The following MAPK8IP1 variants were observed in gnomAD, a reference collection of about 807,000 sequenced individuals.
MAPK8IP1 encodes mitogen-activated protein kinase 8 interacting protein 1.
In MAPK8IP1, 17 loss-of-function variants were observed where a neutral mutation model predicts 72.6. That is an observed-to-expected ratio of 0.23 (90% CI 0.16 to 0.35). The LOEUF (loss-of-function observed/expected upper bound fraction) is 0.35, where lower values mean the gene tolerates loss of function less well. Ranked by LOEUF, MAPK8IP1 falls within the 10% of genes least tolerant of loss-of-function variation. The probability of loss-of-function intolerance (pLI) is 1.00; values close to 1 mark genes in which losing one functional copy is unlikely to be tolerated. For missense variants in MAPK8IP1, 789 were observed against 1,009.7 expected (o/e 0.78, Z 2.96); for synonymous variants, 401 against 443.4 (o/e 0.90, Z 1.20).
rs1233286794 is a variant in MAPK8IP1 at position 45,900,425 on chromosome 11, C to G, written c.495C>G (p.Asn165Lys). 3 of 1,532,234 alleles carry G rather than the reference C, an allele frequency of 2.0e-6. No individual in the cohort carries two copies. The highest frequency in any genetic ancestry group is 2.6e-6 in the Non-Finnish European group (3 of 1,145,470). 94.9% of individuals were successfully genotyped at this position (1,532,234 alleles called of 1,614,324 possible). A position where few individuals can be genotyped will look rare whatever the true frequency, so the allele number is the denominator to read the frequency against. Residue 165 changes from asparagine (N) to lysine (K), a missense_variant, in exon 3 of 12, where the codon AAC (asparagine) becomes AAG (lysine). Physicochemically the swap from Asn to Lys is moderately conservative, Grantham distance 94. Transcript: ENST00000241014. This position sits in a 1 kb window ranked among gnomAD's most constrained non-coding sequence, Gnocchi z 6.5. ...GGCCCAAGCGGCCCACCACGCTCAA[C>G]CTCTTTCCGCAGGTGCCGCGGTCTC... ...TYRPKRPTTL[N>K]LFPQVPRSQD...
chr11:45,896,193 A>C (rs749743959), intron 1 of MAPK8IP1, among the ~76,000 whole-genome samples: 2 of 152,206 alleles, frequency 1.3e-5, no homozygotes, highest in East Asian at 3.9e-4. Context: ...TCCTGCTTCC[A>C]TAGGCCCTGC....
intron 1 of MAPK8IP1, chr11:45,896,444 G>C: frequency 1.2e-6 from 1 of 840,112 alleles, no homozygotes; most frequent in Non-Finnish European, 1.4e-6. Flanking sequence ...CTTTTGGGGG[G>C]AAACATCCTA....
chr11:45,902,321 A>C lies in MAPK8IP1; in HGVS notation c.605-51A>C. Reference sequence around the variant, plus strand: ...CAAGCTGAGAGTGGCAGGTGCAGGTAGCTGGGAGTTGGGAGAGAGCCCCTG... The same window carrying C: ...CAAGCTGAGAGTGGCAGGTGCAGGTCGCTGGGAGTTGGGAGAGAGCCCCTG... On this transcript the variant is annotated intron_variant, in intron 4 of 11. Coordinates refer to ENST00000241014, the MANE Select transcript of MAPK8IP1 (RefSeq NM_005456.4). The surrounding 1 kb of genome is among the most constrained non-coding windows in gnomAD (Gnocchi z 9.3). 1 of 1,417,680 alleles carries C rather than the reference A, an allele frequency of 7.1e-7. No homozygotes were observed. Among genetic ancestry groups the C allele is most frequent in the Non-Finnish European group, 9.7e-7 (1 of 1,027,992 alleles). The allele number at this position is 1,417,680 out of a possible 1,614,324, so 87.8% of individuals were successfully genotyped here. A position where few individuals can be genotyped will look rare whatever the true frequency, so the allele number is the denominator to read the frequency against.
intron 3 of MAPK8IP1, 79 bp from the exon 4 acceptor site, chr11:45,901,901 G>A: frequency 9.2e-7 from 1 of 1,082,356 alleles, no homozygotes; most frequent in Non-Finnish European, 1.4e-6. Context: ...GGGATGGCCT[G>A]AGGGGGCAGG....
At chr11:45,891,401 A>G (rs1478083463) in intron 1 of MAPK8IP1, among the ~76,000 whole-genome samples, 1 of 152,176 alleles carries the variant, frequency 6.6e-6, no homozygotes, top group Non-Finnish European at 1.5e-5. Context: ...TGTTGCTTGC[A>G]GTGCCTCTTT....
Position 45,896,814 on chromosome 11 carries a change from C to G in MAPK8IP1, c.102-1271C>G, listed in dbSNP as rs1000624176. 2.1e-5 allele frequency: 32 copies of G among 1,545,444 alleles called. No individual in the cohort carries two copies. The Middle Eastern group carries it at 6.9e-4, about 33-fold the overall frequency. The stretch of plus-strand genomic sequence containing the variant: ...AGCCCTGCCTTGAGCCCTGGCCCCC[C>G]CACCCTTCCGGGCATGAGAGGGCAG... On this transcript the variant is annotated intron_variant, in intron 1 of 11. Coordinates refer to ENST00000241014, the MANE Select transcript of MAPK8IP1 (RefSeq NM_005456.4).
In MAPK8IP1 at chr11:45,906,444, A is replaced by G; in HGVS notation, c.*723A>G. On this transcript the variant is annotated 3_prime_UTR_variant, in exon 12 of 12. Coordinates refer to ENST00000241014, the MANE Select transcript of MAPK8IP1 (RefSeq NM_005456.4). ...TCCTGTCACCCTGGCCCCAACTATTAAAGTGCCATTTCCTGTCTGGACTGC... is the reference window on the plus strand; with the variant it reads ...TCCTGTCACCCTGGCCCCAACTATTGAAGTGCCATTTCCTGTCTGGACTGC... The G allele has an allele frequency of 2.4e-6, 3 of 1,269,642 alleles. No individual in the cohort carries two copies. Among genetic ancestry groups the G allele is most frequent in the Non-Finnish European group, 3.2e-6 (3 of 950,954 alleles). 78.6% of individuals were successfully genotyped at this position (1,269,642 alleles called of 1,614,324 possible).
At chr11:45,896,593 AGCAGCGCAAGGGCCAGGCCAGCCGGGAGG>A in intron 1 of MAPK8IP1, 1 of 1,295,116 alleles carries the variant, frequency 7.7e-7, no homozygotes, top group Admixed American at 3.2e-5. Context: ...CCACAGCGGC[AGCAGCGCAAGGGCCAGGCCAGCCGGGAGG>A]AAGGTGCCTG....
Position 45,902,552 on chromosome 11 carries a change from C to T in MAPK8IP1, c.785C>T (p.Ser262Leu), listed in dbSNP as rs757907058. ...GCCCCGCCTGGGGGTCGGGGCCACT[C>T]GCATCGAGACCGAATCCACTACCAG... Reference protein sequence around the residue: ...PAAPPGGRGHSHRDRIHYQAD... With the variant: ...PAAPPGGRGHLHRDRIHYQAD... Residue 262 changes from serine (S) to leucine (L), a missense_variant, in exon 5 of 12, where the codon TCG becomes TTG. Physicochemically the swap from Ser to Leu is moderately radical, Grantham distance 145. Transcript: ENST00000241014. This position sits in a 1 kb window ranked among gnomAD's most constrained non-coding sequence, Gnocchi z 9.3. 3.2e-5 allele frequency: 51 copies of T among 1,612,384 alleles called. No individual in the cohort carries two copies. The Middle Eastern group carries it at 4.9e-4, about 16-fold the overall frequency.
chr11:45,888,491 A>C (rs568209249), intron 1 of MAPK8IP1, among the ~76,000 whole-genome samples: 127 of 152,278 alleles, frequency 8.3e-4, no homozygotes, highest in African/African-American at 3.1e-3. Context: ...GAGCCACCCC[A>C]AAAAGAAAGA....
chr11:45,886,559 A>G (rs1179806954), intron 1 of MAPK8IP1, among the ~76,000 whole-genome samples: 2 of 152,180 alleles, frequency 1.3e-5, no homozygotes, highest in Admixed American at 6.5e-5. Context: ...GCTCTGGAGT[A>G]GCCAGGGCCA....
Position 45,905,800 on chromosome 11 carries a change from G to A in MAPK8IP1, c.*79G>A. ...CTGGCTGCTGACAGGATGTGGCACT[G>A]CTTGAGGAGGGGCACCTGCCACCGC... On this transcript the variant is annotated 3_prime_UTR_variant, in exon 12 of 12. Transcript: ENST00000241014. The A allele has an allele frequency of 7.2e-7, 1 of 1,395,602 alleles. No individual in the cohort carries two copies. Among genetic ancestry groups the A allele is most frequent in the Non-Finnish European group, 1.0e-6 (1 of 988,260 alleles). The allele number at this position is 1,395,602 out of a possible 1,614,324, so 86.5% of individuals were successfully genotyped here.
chr11:45,890,242 G>A (rs923763087), intron 1 of MAPK8IP1, among the ~76,000 whole-genome samples: 1 of 152,204 alleles, frequency 6.6e-6, no homozygotes, highest in Non-Finnish European at 1.5e-5. Flanking sequence ...ACAGCCAGAG[G>A]AGCTGGCAGG....
At chr11:45,895,630 AAAAAT>A (rs1171849200) in intron 1 of MAPK8IP1, among the ~76,000 whole-genome samples, 461 of 27,360 alleles carry the variant, frequency 0.017, 2 homozygotes, top group African/African-American at 0.034. Context: ...AAAAAAAAAA[AAAAAT>A]ATATATATAT....
At chr11:45,898,009 C>T (rs2086621157) in intron 1 of MAPK8IP1, 76 bp from the exon 2 acceptor site, 1 of 893,208 alleles carries the variant, frequency 1.1e-6, no homozygotes, top group South Asian at 1.4e-5. Flanking sequence ...GAGGCTGCAC[C>T]CTGGAAGAGG....
chr11:45,897,762 A>AC (rs889534818), intron 1 of MAPK8IP1, among the ~76,000 whole-genome samples: 96 of 152,150 alleles, frequency 6.3e-4, no homozygotes, highest in Non-Finnish European at 1.3e-3. Context: ...ACCTGCCTTG[A>AC]CCCTGGGAGG....
Position 45,902,651 on chromosome 11 carries a change from C to A in MAPK8IP1, c.884C>A (p.Pro295His). 6.2e-7 allele frequency: 1 copy of A among 1,612,854 alleles called. No individual in the cohort carries two copies. The highest frequency in any genetic ancestry group is 1.1e-5 in the South Asian group (1 of 91,076). Residue 295 changes from proline to histidine, a missense_variant, in exon 5 of 12, where the codon CCC (proline) becomes CAC (histidine). Physicochemically the swap from Pro to His is moderately conservative, Grantham distance 77. Coordinates refer to ENST00000241014, the MANE Select transcript of MAPK8IP1 (RefSeq NM_005456.4). The surrounding 1 kb of genome is among the most constrained non-coding windows in gnomAD (Gnocchi z 9.3). ...PVQRPPDAAEPTSAFLPPTES... is the reference protein window; with the variant it reads ...PVQRPPDAAEHTSAFLPPTES... ...CAGAGGCCCCCAGACGCTGCAGAGC[C>A]CACCTCCGCCTTCCTGCCGCCCACT...
Position 45,900,780 on chromosome 11 carries a change from G to T in MAPK8IP1, c.522+328G>T, listed in dbSNP as rs990268120. ...GGTTTGGAGCCTGGGACCTCAGGCT[G>T]TGACAGGGTTTCTCCTTTAGGATAT... On this transcript the variant is annotated intron_variant, in intron 3 of 11. Transcript: ENST00000241014. The surrounding 1 kb of genome is among the most constrained non-coding windows in gnomAD (Gnocchi z 6.5). 6.6e-6 allele frequency among the ~76,000 whole-genome samples: 1 copy of T among 152,214 alleles called. No homozygotes were observed. Among genetic ancestry groups the T allele is most frequent in the Admixed American group, 6.5e-5 (1 of 15,288 alleles).
chr11:45,892,850 C>T (rs1164287234), intron 1 of MAPK8IP1, among the ~76,000 whole-genome samples: 2 of 152,222 alleles, frequency 1.3e-5, no homozygotes, highest in Admixed American at 1.3e-4. Flanking sequence ...GCTGTCATTA[C>T]CTGGTGGAGA....
Sources: allele counts gnomAD v4.1 joint callset (sites outside exome capture counted in the v4.1 genomes callset), GRCh38; gene constraint gnomAD v4.1.1; non-coding constraint Gnocchi (gnomAD v3.1); transcripts MANE v1.5; gene names NCBI Gene and HGNC (gene_info 2026-07-23, HGNC 2026-07-21).